Variants in DLGAP1 observed in about 807,000 individuals in gnomAD.
DLGAP1 encodes the protein disks large-associated protein 1.
Under a neutral mutation model 90.8 loss-of-function variants are expected in DLGAP1, and 11 were observed. That is an observed-to-expected ratio of 0.12 (90% confidence interval 0.08 to 0.20). The LOEUF (loss-of-function observed/expected upper bound fraction) is 0.20, where lower values mean the gene tolerates loss of function less well. Ranked by LOEUF, DLGAP1 falls within the 10% of genes least tolerant of loss-of-function variation. DLGAP1 has a pLI of 1.00. For missense variants in DLGAP1, 1,050 were observed against 1,333.8 expected (o/e 0.79, Z 3.31); for synonymous variants, 558 against 540.7 (o/e 1.03, Z -0.44).
intron 1 of DLGAP1, among the ~76,000 whole-genome samples, chr18:4,279,656 T>C (rs2079504260): frequency 1.3e-5 from 2 of 152,222 alleles, no homozygotes; most frequent in Admixed American, 6.5e-5. Flanking sequence ...TATTGAATAT[T>C]AGTAAGATAA....
At chr18:4,048,038 T>C (rs2075080954) in intron 2 of DLGAP1, among the ~76,000 whole-genome samples, 1 of 152,160 alleles carries the variant, frequency 6.6e-6, no homozygotes. Context: ...GCTCAAGCAA[T>C]CTTCCAGCCT....
At chr18:4,422,199 A>T (rs1291546086) in intron 1 of DLGAP1, among the ~76,000 whole-genome samples, 1 of 151,616 alleles carries the variant, frequency 6.6e-6, no homozygotes, top group Non-Finnish European at 1.5e-5. Flanking sequence ...ATATATAAAC[A>T]AGTGTATATA....
Position 3,814,044 on chromosome 18 carries a change from G to T in DLGAP1, c.1172+15C>A. On this transcript the variant is annotated intron_variant, in intron 5 of 12. Coordinates refer to ENST00000315677, the MANE Select transcript of DLGAP1 (RefSeq NM_004746.4). ...GCACCTGGACTATCGCAAGTGCAGG[G>T]TTAGGACTACTCACTTGAGTGTGGT... is the stretch of plus-strand genomic sequence containing the variant. 1 of 1,613,260 alleles carries T rather than the reference G, an allele frequency of 6.2e-7. No homozygotes were observed. Among genetic ancestry groups the T allele is most frequent in the East Asian group, 2.2e-5 (1 of 44,864 alleles).
At chr18:4,063,756 C>T (rs530683006) in intron 2 of DLGAP1, among the ~76,000 whole-genome samples, 23 of 152,218 alleles carry the variant, frequency 1.5e-4, no homozygotes, top group African/African-American at 5.3e-4. Flanking sequence ...AACCTGTTGC[C>T]ACTAAAGCTG....
intron 2 of DLGAP1, among the ~76,000 whole-genome samples, chr18:4,111,116 G>A (rs183524405): frequency 4.6e-5 from 7 of 152,210 alleles, no homozygotes; most frequent in African/African-American, 2.4e-5. Context: ...GGTTTTTATC[G>A]TGAAGGGCTG....
intron 1 of DLGAP1, among the ~76,000 whole-genome samples, chr18:4,209,793 T>C (rs915634972): frequency 2.0e-5 from 3 of 152,204 alleles, no homozygotes; most frequent in Non-Finnish European, 4.4e-5. Context: ...GTGAATATAA[T>C]AGTGTATAAG....
At chr18:3,516,516 C>T (rs1316358834) in intron 10 of DLGAP1, among the ~76,000 whole-genome samples, 1 of 152,178 alleles carries the variant, frequency 6.6e-6, no homozygotes, top group Non-Finnish European at 1.5e-5. Context: ...GTCCAAATGA[C>T]TCTTTGATCC....
chr18:3,811,217 G>A (rs1388750246), intron 5 of DLGAP1, among the ~76,000 whole-genome samples: 2 of 152,216 alleles, frequency 1.3e-5, no homozygotes, highest in African/African-American at 2.4e-5. Context: ...AGTGTGAAAC[G>A]AATGGAGGTA....
At chr18:3,987,061 G>T (rs1447296747) in intron 3 of DLGAP1, among the ~76,000 whole-genome samples, 1 of 152,152 alleles carries the variant, frequency 6.6e-6, no homozygotes, top group Non-Finnish European at 1.5e-5. Flanking sequence ...GGTATGTTAG[G>T]TATTAATTAT....
intron 1 of DLGAP1, among the ~76,000 whole-genome samples, chr18:4,447,077 G>T (rs1392192483): frequency 6.6e-6 from 1 of 152,146 alleles, no homozygotes; most frequent in Non-Finnish European, 1.5e-5. Flanking sequence ...TTGCTGTTGG[G>T]ATCATAAATA....
chr18:4,027,392 G>C (rs781440356), intron 2 of DLGAP1, among the ~76,000 whole-genome samples: 1 of 150,192 alleles, frequency 6.7e-6, no homozygotes, highest in Non-Finnish European at 1.5e-5. Flanking sequence ...TGTAATCCCA[G>C]CTACTCGAGA....
At chr18:4,203,717 G>C (rs1235130760) in intron 1 of DLGAP1, among the ~76,000 whole-genome samples, 1 of 152,160 alleles carries the variant, frequency 6.6e-6, no homozygotes, top group Admixed American at 6.5e-5. Context: ...GCTAGGCTCA[G>C]GGGAACACAA....
At chr18:4,219,047 TTTTTA>T (rs1289790692) in intron 1 of DLGAP1, among the ~76,000 whole-genome samples, 2 of 148,830 alleles carry the variant, frequency 1.3e-5, no homozygotes, top group East Asian at 3.9e-4. Context: ...TTTTTTTTTT[TTTTTA>T]AGGAGTCTCC....
At chr18:3,581,771 T>C in intron 8 of DLGAP1, 104 bp downstream of exon 8, 18 of 1,479,234 alleles carry the variant, frequency 1.2e-5, no homozygotes, top group Non-Finnish European at 1.7e-5. Flanking sequence ...TGCATAGATC[T>C]ATGATTCCAA....
At chr18:4,024,249 A>T (rs72869532) in intron 2 of DLGAP1, among the ~76,000 whole-genome samples, 16,558 of 152,238 alleles carry the variant, frequency 0.11, 1,112 homozygotes, top group Non-Finnish European at 0.16. Context: ...AAGTATTAGC[A>T]TCAGAAAGAT....
chr18:4,106,902 T>C (rs1325800799), intron 2 of DLGAP1, among the ~76,000 whole-genome samples: 1 of 152,204 alleles, frequency 6.6e-6, no homozygotes, highest in Non-Finnish European at 1.5e-5. Context: ...TTTCAGTCAA[T>C]TCTTAGATCA....
At chr18:4,358,099 T>C (rs1450809532) in intron 1 of DLGAP1, among the ~76,000 whole-genome samples, 2 of 152,140 alleles carry the variant, frequency 1.3e-5, no homozygotes, top group Non-Finnish European at 2.9e-5. Flanking sequence ...CTGGAAGAAG[T>C]CCCTGTTCTA....
intron 1 of DLGAP1, among the ~76,000 whole-genome samples, chr18:4,382,418 T>G (rs2082143902): frequency 1.3e-5 from 2 of 152,126 alleles, no homozygotes; most frequent in Admixed American, 1.3e-4. Context: ...TGAAATTTTT[T>G]CTCTAAGAAA....
intron 1 of DLGAP1, among the ~76,000 whole-genome samples, chr18:4,309,448 T>C (rs947905556): frequency 6.6e-6 from 1 of 151,992 alleles, no homozygotes; most frequent in South Asian, 2.1e-4. Context: ...TTTAGAACAG[T>C]AGAAGGAGGG....
Sources: gnomAD v4.1 joint callset for allele counts (sites outside exome capture counted in the v4.1 genomes callset) on GRCh38, gnomAD v4.1.1 for gene constraint, MANE v1.5 for transcripts, NCBI Gene and HGNC (gene_info 2026-07-23, HGNC 2026-07-21) for gene names.